ATG5: variants seen among roughly 807,000 people sequenced by gnomAD.
ATG5 encodes the protein autophagy protein 5.
In ATG5, 14 loss-of-function variants were observed where a neutral mutation model predicts 36.5. The ratio of observed to expected loss-of-function variants is 0.38; its 90% CI spans 0.25 to 0.60. The LOEUF is 0.60. Ranked by LOEUF, ATG5 falls within the 20% of genes least tolerant of loss-of-function variation. The pLI is 0.60. For missense variants in ATG5, 195 were observed against 326.7 expected (o/e 0.60, Z 3.11); for synonymous variants, 95 against 101.5 (o/e 0.94, Z 0.38).
chr6:106,253,132 A>G (rs1778664092), intron 5 of ATG5, among the ~76,000 whole-genome samples: 1 of 152,262 alleles, frequency 6.6e-6, no homozygotes, highest in Non-Finnish European at 1.5e-5. Flanking sequence ...CTGTAAGACA[A>G]AACAGGAGAA....
intron 4 of ATG5, among the ~76,000 whole-genome samples, chr6:106,281,348 C>T (rs553160486): frequency 5.3e-5 from 8 of 152,292 alleles, no homozygotes; most frequent in African/African-American, 1.7e-4. Flanking sequence ...CAGTCAGTTC[C>T]CTCATTCCCT....
chr6:106,299,715 A>G (rs1156576105), intron 3 of ATG5, among the ~76,000 whole-genome samples: 1 of 152,238 alleles, frequency 6.6e-6, no homozygotes, highest in African/African-American at 2.4e-5. Context: ...CACATGGTGT[A>G]GCAATAATGG....
chr6:106,202,248 TTTAACA>T, intron 6 of ATG5, 159 bp from the exon 7 acceptor site: 4 of 503,450 alleles, frequency 7.9e-6, no homozygotes, highest in Non-Finnish European at 1.4e-5. Flanking sequence ...GTGAAAAATG[TTTAACA>T]TGATAAATTC....
At chr6:106,293,358 T>C (rs1188054821) in intron 3 of ATG5, among the ~76,000 whole-genome samples, 1 of 152,210 alleles carries the variant, frequency 6.6e-6, no homozygotes, top group Non-Finnish European at 1.5e-5. Flanking sequence ...GCAAAGGCAT[T>C]CTTTATCAGC....
chr6:106,298,028 G>A (rs193009988), intron 3 of ATG5, among the ~76,000 whole-genome samples: 4 of 149,910 alleles, frequency 2.7e-5, no homozygotes, highest in African/African-American at 7.4e-5. Flanking sequence ...GCAGTTGTGC[G>A]ATCTTGGCTC....
chr6:106,248,419 A>G (rs980383911), intron 5 of ATG5, among the ~76,000 whole-genome samples, 175 bp from the exon 6 acceptor site: 5 of 152,202 alleles, frequency 3.3e-5, no homozygotes, highest in African/African-American at 1.2e-4. Flanking sequence ...ATATAAAATT[A>G]ATTTTTTTCT....
At chr6:106,248,969 C>T (rs944691116) in intron 5 of ATG5, among the ~76,000 whole-genome samples, 5 of 152,054 alleles carry the variant, frequency 3.3e-5, no homozygotes, top group African/African-American at 7.2e-5. Flanking sequence ...AGTCAAAATA[C>T]TGAACACAGT....
At chr6:106,254,595 T>C (rs1002484145) in intron 5 of ATG5, among the ~76,000 whole-genome samples, 1 of 152,196 alleles carries the variant, frequency 6.6e-6, no homozygotes, top group African/African-American at 2.4e-5. Flanking sequence ...CCTGGGTTTG[T>C]TTCCCAGCTT....
intron 7 of ATG5, among the ~76,000 whole-genome samples, chr6:106,193,705 A>T (rs1190112190): frequency 3.9e-5 from 6 of 152,214 alleles, no homozygotes; most frequent in Admixed American, 3.9e-4. Context: ...TGACCCAGTA[A>T]TTCTAGTTGG....
intron 7 of ATG5, among the ~76,000 whole-genome samples, chr6:106,195,495 T>A (rs1776138682): frequency 6.6e-6 from 1 of 152,080 alleles, no homozygotes; most frequent in African/African-American, 2.4e-5. Context: ...GATTTTTAAA[T>A]GACAATTTTT....
chr6:106,250,216 G>T (rs1417442546), intron 5 of ATG5, among the ~76,000 whole-genome samples: 1 of 152,044 alleles, frequency 6.6e-6, no homozygotes, highest in Non-Finnish European at 1.5e-5. Flanking sequence ...CAATCTACTG[G>T]CAATCTATTG....
intron 6 of ATG5, among the ~76,000 whole-genome samples, chr6:106,215,610 T>C (rs889724735): frequency 7.2e-5 from 11 of 152,078 alleles, no homozygotes; most frequent in Non-Finnish European, 5.9e-5. Context: ...ACTTGAATAC[T>C]ATTAAAAATA....
intron 6 of ATG5, among the ~76,000 whole-genome samples, chr6:106,219,753 C>T (rs1250184299): frequency 1.3e-5 from 2 of 152,126 alleles, no homozygotes; most frequent in Non-Finnish European, 1.5e-5. Flanking sequence ...TCAGGATTCA[C>T]ATTATTTCAC....
chr6:106,309,028 G>T (rs1430687934), intron 2 of ATG5, among the ~76,000 whole-genome samples: 8 of 151,700 alleles, frequency 5.3e-5, no homozygotes, highest in Admixed American at 5.3e-4. Flanking sequence ...CCCCAGAAAA[G>T]GTACCCAAAA....
intron 6 of ATG5, among the ~76,000 whole-genome samples, chr6:106,240,849 G>A (rs1778095012): frequency 6.6e-6 from 1 of 152,100 alleles, no homozygotes; most frequent in South Asian, 2.1e-4. Flanking sequence ...ACATAATGCA[G>A]CCATTAAAAA....
At chr6:106,234,290 C>T (rs1777806647) in intron 6 of ATG5, among the ~76,000 whole-genome samples, 1 of 152,190 alleles carries the variant, frequency 6.6e-6, no homozygotes, top group Non-Finnish European at 1.5e-5. Flanking sequence ...CCTCACTGGG[C>T]TCCATGAGGT....
intron 5 of ATG5, among the ~76,000 whole-genome samples, chr6:106,269,948 A>G (rs935001173): frequency 6.6e-6 from 1 of 152,242 alleles, no homozygotes; most frequent in Non-Finnish European, 1.5e-5. Context: ...GAGGACTGCC[A>G]GCACGCTGTC....
chr6:106,210,270 G>A (rs1332368376), intron 6 of ATG5, among the ~76,000 whole-genome samples: 1 of 152,018 alleles, frequency 6.6e-6, no homozygotes, highest in Non-Finnish European at 1.5e-5. Context: ...GTCAATTAAG[G>A]CTCAAAACAA....
chr6:106,265,445 G>A (rs1050267527), intron 5 of ATG5, among the ~76,000 whole-genome samples: 1 of 152,082 alleles, frequency 6.6e-6, no homozygotes, highest in African/African-American at 2.4e-5. Flanking sequence ...ACAGATCAAC[G>A]AGACATAAAA....
Sources: allele counts gnomAD v4.1 joint callset (sites outside exome capture counted in the v4.1 genomes callset), GRCh38; gene constraint gnomAD v4.1.1; transcripts MANE v1.5; gene names NCBI Gene and HGNC (gene_info 2026-07-23, HGNC 2026-07-21).